Variants in CENPE observed in about 807,000 individuals in gnomAD.
The protein encoded by CENPE is centromere-associated protein E.
CENPE carries 145 observed loss-of-function variants against 336.1 expected under a neutral mutation model. The ratio of observed to expected loss-of-function variants is 0.43; its 90% CI spans 0.38 to 0.50. The LOEUF (loss-of-function observed/expected upper bound fraction) is 0.50, where lower values mean the gene tolerates loss of function less well. Ranked by LOEUF, CENPE falls within the 20% of genes least tolerant of loss-of-function variation. The pLI, the probability that CENPE is intolerant of heterozygous loss-of-function variation, is 0.00. For synonymous variants in CENPE, 1,013 were observed against 984.8 expected (o/e 1.03, Z -0.54); for missense variants, 2,719 against 3,023.3 (o/e 0.90, Z 2.36).
chr4:103,157,926 A>C (rs1405690837), intron 24 of CENPE, among the ~76,000 whole-genome samples: 1 of 151,946 alleles, frequency 6.6e-6, no homozygotes, highest in Admixed American at 6.6e-5. Context: ...TATATCTTAG[A>C]GGTGTTGTGG....
chr4:103,161,687 T>C (rs1475965534), intron 18 of CENPE, among the ~76,000 whole-genome samples: 1 of 152,164 alleles, frequency 6.6e-6, no homozygotes, highest in African/African-American at 2.4e-5. Context: ...ATAAGCAATG[T>C]ATCATAATTT....
intron 10 of CENPE, 73 bp downstream of exon 10, chr4:103,183,128 C>T (rs901465880): frequency 1.9e-5 from 22 of 1,143,374 alleles, no homozygotes; most frequent in South Asian, 1.6e-4. Flanking sequence ...TGAGTGTCAT[C>T]GAAATGTTGC....
intron 28 of CENPE, among the ~76,000 whole-genome samples, chr4:103,148,251 C>G (rs756623593): frequency 6.6e-6 from 1 of 152,188 alleles, no homozygotes; most frequent in African/African-American, 2.4e-5. Flanking sequence ...AGTTTCCAAG[C>G]TATAAGAGAA....
rs199809141 is a variant in CENPE at position 103,149,072 on chromosome 4, T to C, written c.3687+46A>G. 9.5e-6 allele frequency: 15 copies of C among 1,582,182 alleles called. No individual in the cohort carries two copies. In the African/African-American group the frequency reaches 1.8e-4, roughly 19 times the overall value. Reference sequence around the variant, plus strand: ...CTCCCCTCTTTCCAAGTGGCTCAGATTTTAAAAGAAACACTTAATAGATGA... The same window carrying C: ...CTCCCCTCTTTCCAAGTGGCTCAGACTTTAAAAGAAACACTTAATAGATGA... On this transcript the variant is annotated intron_variant, in intron 27 of 48. Coordinates refer to ENST00000265148, the MANE Select transcript of CENPE (RefSeq NM_001813.3).
At chr4:103,116,331 G>T (rs1227998871) in intron 45 of CENPE, 1 of 227,974 alleles carries the variant, frequency 4.4e-6, no homozygotes, top group Admixed American at 5.6e-5. Context: ...TTTATATTCT[G>T]TATGACTAAG....
In CENPE at chr4:103,158,440, GTTC is replaced by G. The variant is rs762055963; in HGVS notation, c.2890_2892del (p.Glu964del). 4 of 1,582,936 alleles carry G rather than the reference GTTC, an allele frequency of 2.5e-6. No individual in the cohort carries two copies. In the South Asian group the frequency reaches 3.5e-5, roughly 14 times the overall value. The stretch of plus-strand genomic sequence containing the variant: ...AGAGACTCAAGAGCATTTCGTAATT[GTTC>G]TTGAGTATCTATATTCTTTGTTAGA... On this transcript the variant is annotated inframe_deletion, in exon 24 of 49. Coordinates refer to ENST00000265148, the MANE Select transcript of CENPE (RefSeq NM_001813.3).
At chr4:103,182,719 C>A in intron 11 of CENPE, 43 bp downstream of exon 11, 1 of 1,494,470 alleles carries the variant, frequency 6.7e-7, no homozygotes, top group Non-Finnish European at 9.0e-7. Flanking sequence ...CTTCTTCAAG[C>A]TGATCTTCCC....
chr4:103,109,546 T>C (rs959860449), intron 47 of CENPE, among the ~76,000 whole-genome samples: 2 of 152,190 alleles, frequency 1.3e-5, no homozygotes, highest in South Asian at 4.1e-4. Flanking sequence ...GCCACCAGCA[T>C]TTATCCAGTT....
Position 103,158,815 on chromosome 4 carries a change from C to T in CENPE, c.2673G>A (p.Gln891=). 1 of 1,613,084 alleles carries T rather than the reference C, an allele frequency of 6.2e-7. No individual in the cohort carries two copies. Among genetic ancestry groups the T allele is most frequent in the Non-Finnish European group, 8.5e-7 (1 of 1,179,434 alleles). The change falls in exon 23 of 49, where the codon CAG becomes CAA. Residue 891 remains glutamine (Q), a synonymous_variant. Transcript: ENST00000265148. The part of the protein sequence containing the change: ...EVQERLNEME[Q]LKEQLENRDS... ...CTCTATTTTCTAATTGTTCCTTCAGCTGTTCCATCTCATTTAGTCTTTCTT... is the reference window on the plus strand; with the variant it reads ...CTCTATTTTCTAATTGTTCCTTCAGTTGTTCCATCTCATTTAGTCTTTCTT...
intron 8 of CENPE, among the ~76,000 whole-genome samples, chr4:103,190,863 T>C (rs59355472): frequency 0.16 from 24,145 of 150,542 alleles, 2,322 homozygotes; most frequent in Non-Finnish European, 0.2. Context: ...AGGCAACCTA[T>C]AGAAAGGGAG....
At chr4:103,126,670 C>T (rs1459372276) in intron 42 of CENPE, among the ~76,000 whole-genome samples, 1 of 151,998 alleles carries the variant, frequency 6.6e-6, no homozygotes, top group Non-Finnish European at 1.5e-5. Flanking sequence ...ATGCTAGGGG[C>T]CTTAGTGGAA....
intron 24 of CENPE, among the ~76,000 whole-genome samples, chr4:103,154,329 T>A (rs1285857186): frequency 2.0e-5 from 3 of 152,126 alleles, no homozygotes; most frequent in African/African-American, 4.8e-5. Flanking sequence ...GCTATTATAA[T>A]GAATTTATAT....
intron 26 of CENPE, among the ~76,000 whole-genome samples, chr4:103,150,229 T>C (rs1361274744): frequency 6.6e-6 from 1 of 152,156 alleles, no homozygotes; most frequent in African/African-American, 2.4e-5. Context: ...CATAAGGTTT[T>C]AGTAAACTCA....
intron 8 of CENPE, among the ~76,000 whole-genome samples, chr4:103,189,324 C>G (rs942257114): frequency 1.2e-4 from 18 of 152,144 alleles, no homozygotes; most frequent in Non-Finnish European, 1.9e-4. Context: ...CAAAGCCTGG[C>G]AGAGACACAA....
chr4:103,127,183 A>G (rs1751197665), intron 42 of CENPE, among the ~76,000 whole-genome samples: 1 of 151,804 alleles, frequency 6.6e-6, no homozygotes, highest in South Asian at 2.1e-4. Context: ...TTCAAACTTC[A>G]GAAAAATCAA....
At chr4:103,120,974 G>C (rs1750574519) in intron 43 of CENPE, among the ~76,000 whole-genome samples, 1 of 152,160 alleles carries the variant, frequency 6.6e-6, no homozygotes, top group African/African-American at 2.4e-5. Context: ...GACCTCAGGT[G>C]ATCTGCCTGC....
intron 45 of CENPE, among the ~76,000 whole-genome samples, chr4:103,115,083 T>G (rs1408189423): frequency 1.3e-5 from 2 of 152,182 alleles, no homozygotes; most frequent in African/African-American, 4.8e-5. Context: ...CTTTCTGCCT[T>G]TCTTAATGAC....
chr4:103,129,045 T>C (rs933173870), intron 42 of CENPE, among the ~76,000 whole-genome samples: 1 of 152,112 alleles, frequency 6.6e-6, no homozygotes, highest in Admixed American at 6.5e-5. Context: ...ATAGAGCCCA[T>C]GGACATTAAA....
intron 32 of CENPE, 117 bp downstream of exon 32, chr4:103,144,933 T>C: frequency 1.1e-6 from 1 of 951,786 alleles, no homozygotes; most frequent in Non-Finnish European, 1.5e-6. Context: ...ATTCCTCTTT[T>C]ATTTCCGGTC....
Sources: gnomAD v4.1 joint callset for allele counts (sites outside exome capture counted in the v4.1 genomes callset) on GRCh38, gnomAD v4.1.1 for gene constraint, MANE v1.5 for transcripts, NCBI Gene and HGNC (gene_info 2026-07-23, HGNC 2026-07-21) for gene names.